CDH22: variants seen among roughly 807,000 people sequenced by gnomAD.
The protein encoded by CDH22 is cadherin 22.
In CDH22, 30 loss-of-function variants were observed where a neutral mutation model predicts 58.4. That is an observed-to-expected ratio of 0.51 (90% CI 0.38 to 0.70). CDH22 has a LOEUF of 0.70. Among genes scored for constraint, CDH22 ranks in the 30% least tolerant of loss-of-function variants. CDH22 has a pLI of 0.00. For synonymous variants in CDH22, 513 were observed against 558.2 expected, an observed-to-expected ratio of 0.92 and a Z score of 1.14; for missense variants, 1,014 against 1,233.9, an observed-to-expected ratio of 0.82 and a Z score of 2.67.
At chr20:46,301,783 C>G (rs1178843462) in intron 1 of CDH22, among the ~76,000 whole-genome samples, 1 of 152,042 alleles carries the variant, frequency 6.6e-6, no homozygotes, top group African/African-American at 2.4e-5. Context: ...TGCACTCCAG[C>G]TTGGGCAACA....
At chr20:46,219,964 AAG>A (rs2086112244) in intron 4 of CDH22, 1 of 152,482 alleles carries the variant, frequency 6.6e-6, no homozygotes, top group African/African-American at 2.4e-5. Context: ...GGGGGTTGGA[AAG>A]AGAGAATGGA....
At position 46,226,288 on chromosome 20, in the gene CDH22, TCTTC is replaced by T. The variant is rs1363608507; in HGVS notation, c.670+1216_670+1219del. ...TTCTTCTTCTTCTTCTTCTTCTTCT[TCTTC>T]TTTTTTTTTTTGAGACAGGGTCTTG... is the stretch of plus-strand genomic sequence containing the variant. On this transcript the variant is annotated intron_variant, in intron 4 of 11. Coordinates refer to ENST00000537909, the MANE Select transcript of CDH22 (RefSeq NM_021248.3). Among the ~76,000 whole-genome samples, 15 of 3,334 alleles carry T rather than the reference TCTTC, an allele frequency of 4.5e-3. 1 individual carries two copies. The highest frequency in any genetic ancestry group is 0.012 in the African/African-American group (14 of 1,202). 2.2% of individuals were successfully genotyped at this position (3,334 alleles called of 152,430 possible).
intron 8 of CDH22, among the ~76,000 whole-genome samples, chr20:46,189,401 T>G (rs2085848625): frequency 1.3e-5 from 2 of 152,156 alleles, no homozygotes; most frequent in South Asian, 4.1e-4. Context: ...AGGCGCCTCT[T>G]TCCCAGCAGA....
chr20:46,227,460 CCTGG>C, intron 4 of CDH22, 44 bp downstream of exon 4: 1 of 1,318,780 alleles, frequency 7.6e-7, no homozygotes, highest in Non-Finnish European at 1.1e-6. Flanking sequence ...CCGCCCCGCC[CCTGG>C]CCCCGCCCCA....
Position 46,254,143 on chromosome 20 carries a change from G to C in CDH22, c.-399-2450C>G, listed in dbSNP as rs191098609. ...AGCAAGATGCAATCAGTTATTCAGCGATCTATCAGCAAAGAGATGCATTTC... is the reference window on the plus strand; with the variant it reads ...AGCAAGATGCAATCAGTTATTCAGCCATCTATCAGCAAAGAGATGCATTTC... On this transcript the variant is annotated intron_variant, in intron 1 of 11. Transcript: ENST00000537909. 1.2e-4 allele frequency among the ~76,000 whole-genome samples: 19 copies of C among 152,250 alleles called. 1 individual carries two copies. In the South Asian group the frequency reaches 3.5e-3, roughly 28 times the overall value.
intron 7 of CDH22, among the ~76,000 whole-genome samples, chr20:46,205,839 G>A (rs531501278): frequency 6.6e-6 from 1 of 152,270 alleles, no homozygotes; most frequent in Admixed American, 6.5e-5. Context: ...TGGTCTCGCT[G>A]CTCCTGAACT....
At chr20:46,200,140 A>G (rs868178762) in intron 7 of CDH22, among the ~76,000 whole-genome samples, 4 of 150,780 alleles carry the variant, frequency 2.7e-5, no homozygotes, top group Non-Finnish European at 4.4e-5. Flanking sequence ...CGCCCGGCTA[A>G]TTTTTTGTAT....
At chr20:46,285,781 G>C in intron 1 of CDH22, among the ~76,000 whole-genome samples, 1 of 152,186 alleles carries the variant, frequency 6.6e-6, no homozygotes, top group East Asian at 1.9e-4. Flanking sequence ...TATACATTGT[G>C]CTCCTGTGAC....
intron 1 of CDH22, among the ~76,000 whole-genome samples, chr20:46,258,398 G>A (rs1400800924): frequency 1.3e-5 from 2 of 152,108 alleles, no homozygotes; most frequent in East Asian, 1.9e-4. Flanking sequence ...TGTGGGGAGG[G>A]CCAGAAGAGC....
At chr20:46,262,387 C>T (rs916031448) in intron 1 of CDH22, among the ~76,000 whole-genome samples, 7 of 152,054 alleles carry the variant, frequency 4.6e-5, no homozygotes, top group Non-Finnish European at 1.0e-4. Context: ...CAAAGGCTGA[C>T]CTGGGGCCCC....
chr20:46,181,751 C>CTTT (rs754645737), intron 10 of CDH22, among the ~76,000 whole-genome samples: 4,570 of 101,014 alleles, frequency 0.045, 195 homozygotes, highest in East Asian at 0.19. Flanking sequence ...TTCCTTCCTT[C>CTTT]CTTCTTTCTT....
intron 1 of CDH22, among the ~76,000 whole-genome samples, chr20:46,294,159 G>A (rs1223364718): frequency 6.6e-6 from 1 of 152,214 alleles, no homozygotes; most frequent in Non-Finnish European, 1.5e-5. Context: ...TTGATCCTCA[G>A]TGCAACACAT....
intron 3 of CDH22, among the ~76,000 whole-genome samples, chr20:46,239,885 A>G (rs1416311899): frequency 1.3e-5 from 2 of 152,230 alleles, no homozygotes; most frequent in Non-Finnish European, 2.9e-5. Flanking sequence ...AGAGTCATGC[A>G]GCTTTAGCCT....
At chr20:46,307,412 C>T (rs1312452846) in intron 1 of CDH22, among the ~76,000 whole-genome samples, 3 of 152,324 alleles carry the variant, frequency 2.0e-5, no homozygotes, top group Non-Finnish European at 2.9e-5. Flanking sequence ...GCAGTCCACT[C>T]TTCACAGTAA....
In CDH22 at chr20:46,206,517, T is replaced by A. The variant is rs141511462; in HGVS notation, c.1286+3790A>T. Reference sequence around the variant, plus strand: ...CCCAGGATGCCACCTCATGTCTTCATTTCCAGGGACACGCCAAGCTTGTTC... The same window carrying A: ...CCCAGGATGCCACCTCATGTCTTCAATTCCAGGGACACGCCAAGCTTGTTC... On this transcript the variant is annotated intron_variant, in intron 7 of 11. Coordinates refer to ENST00000537909, the MANE Select transcript of CDH22 (RefSeq NM_021248.3). 8.7e-4 allele frequency among the ~76,000 whole-genome samples: 132 copies of A among 152,290 alleles called. 2 individuals are homozygous for A. Among genetic ancestry groups the A allele is most frequent in the African/African-American group, 3.2e-3 (132 of 41,576 alleles).
Position 46,174,746 on chromosome 20 carries a change from G to T in CDH22, c.2247C>A (p.Asp749Glu). The T allele has an allele frequency of 6.4e-7, 1 of 1,550,914 alleles. No homozygotes were observed. Among genetic ancestry groups the T allele is most frequent in the Non-Finnish European group, 8.7e-7 (1 of 1,155,954 alleles). The change falls in exon 12 of 12, where the codon GAC (aspartate) becomes GAA (glutamate). Residue 749 changes from aspartate to glutamate, a missense_variant. Physicochemically the swap from Asp to Glu is conservative, Grantham distance 45. Transcript: ENST00000537909. This position sits in a 1 kb window ranked among gnomAD's most constrained non-coding sequence, Gnocchi z 4.4. ...SPEPDFSVFR[D>E]FISRKVALAD... ...CCAGTGCCACCTTGCGGCTGATGAA[G>T]TCCCTGAACACTGAGAAGTCTGGCT...
Position 46,210,913 on chromosome 20 carries a change from C to A in CDH22, c.1033-353G>T, listed in dbSNP as rs2145688232. On this transcript the variant is annotated intron_variant, in intron 6 of 11. Transcript: ENST00000537909. The surrounding 1 kb of genome is among the most constrained non-coding windows in gnomAD (Gnocchi z 4.5). Reference sequence around the variant, plus strand: ...TGCCAGTGCTTTAAGTATATTAACTCAACTTGACATCAACCCTAAGAGGCT... The same window carrying A: ...TGCCAGTGCTTTAAGTATATTAACTAAACTTGACATCAACCCTAAGAGGCT... 6.6e-6 allele frequency among the ~76,000 whole-genome samples: 1 copy of A among 152,282 alleles called. No homozygotes were observed. The highest frequency in any genetic ancestry group is 1.5e-5 in the Non-Finnish European group (1 of 68,030).
intron 1 of CDH22, among the ~76,000 whole-genome samples, chr20:46,252,206 G>C (rs1025105962): frequency 6.6e-6 from 1 of 152,214 alleles, no homozygotes; most frequent in Admixed American, 6.5e-5. Flanking sequence ...CATTCCATCT[G>C]AAACAGGCAC....
intron 1 of CDH22, among the ~76,000 whole-genome samples, chr20:46,284,814 G>A (rs6032749): frequency 6.6e-6 from 1 of 152,194 alleles, no homozygotes; most frequent in African/African-American, 2.4e-5. Context: ...GAGGCATGGA[G>A]GGGATGACTT....
Sources: allele counts gnomAD v4.1 joint callset (sites outside exome capture counted in the v4.1 genomes callset), GRCh38; gene constraint gnomAD v4.1.1; non-coding constraint Gnocchi (gnomAD v3.1); transcripts MANE v1.5; gene names NCBI Gene and HGNC (gene_info 2026-07-23, HGNC 2026-07-21).